The following AMZ1 variants were observed in gnomAD, a reference collection of about 807,000 sequenced individuals.
AMZ1 encodes archaemetzincin-1.
AMZ1 carries 39 observed loss-of-function variants against 29.9 expected under a neutral mutation model. The observed-to-expected ratio is 1.30, with a 90% confidence interval of 1.01 to 1.70. The LOEUF is 1.70. Among genes scored for constraint, AMZ1 ranks in the 40% most tolerant of loss-of-function variants. The probability of loss-of-function intolerance (pLI) is 0.00; values close to 1 mark genes in which losing one functional copy is unlikely to be tolerated. For synonymous variants in AMZ1, 458 were observed against 304.0 expected (o/e 1.51, Z -5.27); for missense variants, 1,041 against 680.6 (o/e 1.53, Z -5.89).
intron 4 of AMZ1, 44 bp from the exon 5 acceptor site, chr7:2,709,031 C>G (rs1176148612): frequency 6.6e-7 from 1 of 1,525,688 alleles, no homozygotes; most frequent in Non-Finnish European, 8.8e-7. Flanking sequence ...CCCCCAGAGC[C>G]AAGGCTGACC....
chr7:2,746,482 C>T (rs768638822), intron 4 of AMZ1, among the ~76,000 whole-genome samples: 3,575 of 152,132 alleles, frequency 0.023, 94 homozygotes, highest in Middle Eastern at 0.075. Context: ...AGAACAAAGA[C>T]ACAACATACC....
chr7:2,700,003 C>T (rs562725656), intron 1 of AMZ1, among the ~76,000 whole-genome samples: 2 of 152,282 alleles, frequency 1.3e-5, no homozygotes, highest in East Asian at 3.9e-4. Flanking sequence ...TGACCGTCCC[C>T]TGGGTGGCCC....
intron 1 of AMZ1, among the ~76,000 whole-genome samples, chr7:2,697,011 C>T (rs897078659): frequency 6.6e-6 from 1 of 152,202 alleles, no homozygotes; most frequent in African/African-American, 2.4e-5. Flanking sequence ...ATTTTCCCTT[C>T]TAGGAGTCCA....
At chr7:2,689,888 G>A (rs907997774) in intron 1 of AMZ1, among the ~76,000 whole-genome samples, 32 of 152,186 alleles carry the variant, frequency 2.1e-4, no homozygotes, top group African/African-American at 7.2e-4. Flanking sequence ...CTCCCTCCCC[G>A]TGGGTACCCC....
In AMZ1 at chr7:2,709,703, A is replaced by G. The variant is rs779800286; in HGVS notation, c.835A>G (p.Met279Val). 1.2e-6 allele frequency: 2 copies of G among 1,611,088 alleles called. No homozygotes were observed. The stretch of plus-strand genomic sequence containing the variant: ...GAACTGCCGCTGGCTCCGCTGCCTC[A>G]TGCAGGGTGCGCTCAGCCTGGACGA... ...LGNCRWLRCLMQGALSLDEAL... is the reference protein window; with the variant it reads ...LGNCRWLRCLVQGALSLDEAL... The change falls in exon 6 of 7, where the codon ATG becomes GTG. Residue 279 changes from methionine (M) to valine (V), a missense_variant. By Grantham distance (21) the Met-to-Val change is conservative. Transcript: ENST00000683327.
chr7:2,762,083 C>T (rs1266396924), upstream of AMZ1: 1 of 152,554 alleles, frequency 6.6e-6, no homozygotes, highest in South Asian at 2.1e-4. Flanking sequence ...TACCTCCAGC[C>T]CCTCCAGAAA....
At chr7:2,703,411 G>A (rs1005625912) in intron 3 of AMZ1, among the ~76,000 whole-genome samples, 2 of 152,200 alleles carry the variant, frequency 1.3e-5, no homozygotes, top group Non-Finnish European at 2.9e-5. Flanking sequence ...AAAGTGCTGG[G>A]ATGACAGGCG....
rs750360131 is a variant in AMZ1 at position 2,700,671 on chromosome 7, C to G, written c.220C>G (p.Pro74Ala). The G allele has an allele frequency of 1.2e-6, 2 of 1,612,716 alleles. No individual in the cohort carries two copies. Among genetic ancestry groups the G allele is most frequent in the Non-Finnish European group, 1.7e-6 (2 of 1,180,012 alleles). ...FDWLLSRPEA[P>A]EDFQTFHASL... ...CTGGCTCCTGAGCCGACCCGAGGCT[C>G]CCGAGGACTTCCAGACCTTCCACGC... Residue 74 changes from proline (P) to alanine (A), a missense_variant, in exon 2 of 7, where the codon CCC (proline) becomes GCC (alanine). Physicochemically the swap from Pro to Ala is conservative, Grantham distance 27. Coordinates refer to ENST00000683327, the MANE Select transcript of AMZ1 (RefSeq NM_001384743.1).
chr7:2,707,502 T>G (rs1788430268), intron 3 of AMZ1, among the ~76,000 whole-genome samples: 1 of 152,126 alleles, frequency 6.6e-6, no homozygotes. Flanking sequence ...GATGCCATCG[T>G]GCCCAGGTTC....
intron 4 of AMZ1, among the ~76,000 whole-genome samples, chr7:2,758,968 C>T (rs1484915381): frequency 2.0e-5 from 3 of 151,738 alleles, no homozygotes; most frequent in African/African-American, 7.3e-5. Context: ...GGTGAAACAC[C>T]GTCTCTACTA....
At chr7:2,736,463 C>T (rs1240886670) in intron 4 of AMZ1, among the ~76,000 whole-genome samples, 3 of 152,196 alleles carry the variant, frequency 2.0e-5, no homozygotes, top group Admixed American at 1.3e-4. Flanking sequence ...AACTGTCCCA[C>T]GAATGTGTCT....
intron 4 of AMZ1, among the ~76,000 whole-genome samples, chr7:2,756,750 G>A (rs1562409254): frequency 6.6e-6 from 1 of 152,298 alleles, no homozygotes; most frequent in East Asian, 1.9e-4. Context: ...AGGGACCTGA[G>A]AATATGATGG....
intron 1 of AMZ1, among the ~76,000 whole-genome samples, chr7:2,693,497 A>G (rs1304378287): frequency 6.6e-6 from 1 of 152,136 alleles, no homozygotes; most frequent in African/African-American, 2.4e-5. Context: ...CTCCGACCTC[A>G]GCCTCTCGAG....
intron 1 of AMZ1, among the ~76,000 whole-genome samples, chr7:2,690,614 T>C (rs1436701968): frequency 1.3e-5 from 2 of 152,098 alleles, no homozygotes; most frequent in Non-Finnish European, 2.9e-5. Flanking sequence ...CCGATGTAGA[T>C]GCTCTTGAGT....
intron 1 of AMZ1, among the ~76,000 whole-genome samples, chr7:2,690,606 G>A (rs111375184): frequency 1.3e-5 from 2 of 152,108 alleles, no homozygotes; most frequent in Non-Finnish European, 2.9e-5. Flanking sequence ...CTGGGTTTCC[G>A]ATGTAGATGC....
At chr7:2,697,767 C>A (rs1278878211) in intron 1 of AMZ1, among the ~76,000 whole-genome samples, 1 of 152,090 alleles carries the variant, frequency 6.6e-6, no homozygotes, top group Non-Finnish European at 1.5e-5. Flanking sequence ...TTGGAAAATG[C>A]TCAAGATTTA....
rs1780806874 is a variant in AMZ1, at chr7:2,731,991, T to C, written n.550+22175T>C. The stretch of plus-strand genomic sequence containing the variant: ...GTCTGAGGACGAATGCTCAGAACAC[T>C]CGTGGGCAGGCCCAGCGCAAAACCA... On this transcript the variant is annotated intron_variant and non_coding_transcript_variant, in intron 4 of 4. Transcript: ENST00000489665. The surrounding 1 kb of genome is among the most constrained non-coding windows in gnomAD (Gnocchi z 6.0). Among the ~76,000 whole-genome samples, 1 of 152,186 alleles carries C rather than the reference T, an allele frequency of 6.6e-6. No individual in the cohort carries two copies.
intron 4 of AMZ1, among the ~76,000 whole-genome samples, chr7:2,737,789 C>G (rs1297122382): frequency 6.6e-6 from 1 of 152,132 alleles, no homozygotes; most frequent in East Asian, 1.9e-4. Context: ...ATGCCAAAGG[C>G]CCAGGTTTTC....
rs370181740 is a variant in AMZ1, at chr7:2,700,494, C to T, written c.43C>T (p.Arg15Trp). The change falls in exon 2 of 7, where the codon CGG (arginine) becomes TGG (tryptophan). Residue 15 changes from arginine to tryptophan, a missense_variant. By Grantham distance (101) the Arg-to-Trp change is moderately radical. Coordinates refer to ENST00000683327, the MANE Select transcript of AMZ1 (RefSeq NM_001384743.1). ...RPAQEFSFGP[R>W]ALKDALVSTD... ...CGCACAGGAGTTCAGCTTCGGGCCC[C>T]GGGCCTTGAAGGACGCTCTGGTCTC... The T allele has an allele frequency of 8.9e-5, 143 of 1,604,724 alleles. No homozygotes were observed. The highest frequency in any genetic ancestry group is 3.7e-4 in the Admixed American group (22 of 60,002).
Sources: allele counts gnomAD v4.1 joint callset (sites outside exome capture counted in the v4.1 genomes callset), GRCh38; gene constraint gnomAD v4.1.1; non-coding constraint Gnocchi (gnomAD v3.1); transcripts MANE v1.5; gene names NCBI Gene and HGNC (gene_info 2026-07-23, HGNC 2026-07-21).